The following PTP4A1 variants were observed in gnomAD, a reference collection of about 807,000 sequenced individuals.
PTP4A1 encodes the protein protein tyrosine phosphatase 4A1.
In PTP4A1, 9 loss-of-function variants were observed where a neutral mutation model predicts 20.5. The ratio of observed to expected loss-of-function variants is 0.44; its 90% confidence interval spans 0.26 to 0.77. PTP4A1 has a LOEUF of 0.77. Among genes scored for constraint, PTP4A1 ranks in the 30% least tolerant of loss-of-function variants. PTP4A1 has a pLI of 0.19. For synonymous variants in PTP4A1, 78 were observed against 67.4 expected (o/e 1.16, Z -0.77); for missense variants, 137 against 218.8 (o/e 0.63, Z 2.36).
At chr6:63,573,234 T>G (rs1379353378) in intron 1 of PTP4A1, 3 of 152,520 alleles carry the variant, frequency 2.0e-5, no homozygotes, top group African/African-American at 7.2e-5. Context: ...GGGCTGCGCG[T>G]GTCACTGCGG....
chr6:63,577,912 A>G (rs981694776), intron 2 of PTP4A1, among the ~76,000 whole-genome samples: 3 of 150,340 alleles, frequency 2.0e-5, no homozygotes, highest in South Asian at 4.2e-4. Context: ...GTAATATGTA[A>G]TTAGTAATAA....
chr6:63,555,170 A>G (rs774721481), intron 3 of PTP4A1, among the ~76,000 whole-genome samples: 11 of 152,310 alleles, frequency 7.2e-5, no homozygotes, highest in South Asian at 2.1e-4. Context: ...TTCTTCAAAG[A>G]AGATCTAGTT....
intron 2 of PTP4A1, among the ~76,000 whole-genome samples, chr6:63,577,669 G>C (rs1362954852): frequency 3.3e-5 from 5 of 152,066 alleles, no homozygotes; most frequent in Admixed American, 1.3e-4. Flanking sequence ...CAATTCTCCT[G>C]CCTCAGCCTC....
chr6:63,572,473 C>G (rs530940270), upstream of PTP4A1: 1 of 387,754 alleles, frequency 2.6e-6, no homozygotes, highest in Non-Finnish European at 4.6e-6. Flanking sequence ...GCTTGTGACG[C>G]AAGGGCGCCT....
intron 3 of PTP4A1, among the ~76,000 whole-genome samples, chr6:63,557,293 T>G (rs1776732856): frequency 6.6e-6 from 1 of 152,172 alleles, no homozygotes; most frequent in Non-Finnish European, 1.5e-5. Context: ...GGTGTGGGCA[T>G]GGTGGCTCAT....
In PTP4A1 at chr6:63,535,008, C is replaced by T. The variant is rs889888622; in HGVS notation, c.-640+6924C>T. On this transcript the variant is annotated intron_variant, in intron 2 of 3. Transcript: ENST00000639568. ...CCAGGAGGCAGAGGTTGCAGTGAGC[C>T]AAGATCGCATCATTGCACTCCAGCC... 3.3e-5 allele frequency among the ~76,000 whole-genome samples: 5 copies of T among 151,982 alleles called. No homozygotes were observed. The East Asian group carries it at 9.7e-4, about 29-fold the overall frequency.
intron 3 of PTP4A1, among the ~76,000 whole-genome samples, chr6:63,554,454 A>AT (rs982174195): frequency 4.2e-4 from 64 of 152,310 alleles, no homozygotes; most frequent in African/African-American, 1.5e-3. Flanking sequence ...TCCAGCCTGA[A>AT]TTAGGTATCT....
chr6:63,567,702 A>G (rs147649310), upstream of PTP4A1, among the ~76,000 whole-genome samples: 4 of 152,350 alleles, frequency 2.6e-5, no homozygotes, highest in East Asian at 7.7e-4. Flanking sequence ...CTGTCCTTCG[A>G]AGCTTTGAAG....
At chr6:63,556,016 C>G (rs539917530) in intron 3 of PTP4A1, among the ~76,000 whole-genome samples, 11 of 151,896 alleles carry the variant, frequency 7.2e-5, no homozygotes, top group Admixed American at 1.3e-4. Context: ...TATTATTCAG[C>G]CTTTCTTTGG....
intron 1 of PTP4A1, among the ~76,000 whole-genome samples, chr6:63,526,827 A>ATT (rs1180055969): frequency 2.0e-4 from 28 of 140,310 alleles, no homozygotes; most frequent in Non-Finnish European, 3.2e-4. Context: ...ATATATATAT[A>ATT]TATATATATT....
chr6:63,563,538 AC>A (rs1408482094), intron 3 of PTP4A1, among the ~76,000 whole-genome samples: 4 of 151,772 alleles, frequency 2.6e-5, no homozygotes, highest in Non-Finnish European at 5.9e-5. Flanking sequence ...CATTCTGTTG[AC>A]CTCCTTCACA....
chr6:63,530,066 G>A (rs188938249), intron 2 of PTP4A1, among the ~76,000 whole-genome samples: 156 of 152,114 alleles, frequency 1.0e-3, no homozygotes, highest in Non-Finnish European at 1.7e-3. Flanking sequence ...TCGAGATAGG[G>A]CAAGGATAAT....
intron 3 of PTP4A1, among the ~76,000 whole-genome samples, chr6:63,559,614 G>A (rs942192949): frequency 6.6e-6 from 1 of 151,940 alleles, no homozygotes; most frequent in Non-Finnish European, 1.5e-5. Context: ...GCATGGTGGT[G>A]TATGCCTGTA....
chr6:63,542,867 GATC>G lies in PTP4A1; in HGVS notation c.-639-7430_-639-7428del, dbSNP rs987150300. On this transcript the variant is annotated intron_variant, in intron 2 of 3. Coordinates refer to the PTP4A1 transcript ENST00000639568. Reference sequence around the variant, plus strand: ...CCCCTACCTGATTCATCCAAGCCATGATCATGTCTCCTAAACTACTGCTCTAGC... The same window carrying G: ...CCCCTACCTGATTCATCCAAGCCATGATGTCTCCTAAACTACTGCTCTAGC... Among the ~76,000 whole-genome samples, 6 of 152,076 alleles carry G rather than the reference GATC, an allele frequency of 3.9e-5. No homozygotes were observed. In the South Asian group the frequency reaches 8.3e-4, roughly 21 times the overall value.
At chr6:63,516,772 A>G (rs1774744283), upstream of PTP4A1, among the ~76,000 whole-genome samples, 1 of 152,216 alleles carries the variant, frequency 6.6e-6, no homozygotes, top group Admixed American at 6.5e-5. Context: ...AAGTATTCTT[A>G]AAGAAAGGGG....
At chr6:63,579,112 T>A (rs996500992) in intron 4 of PTP4A1, 84 bp downstream of exon 4, 74 of 1,395,268 alleles carry the variant, frequency 5.3e-5, no homozygotes, top group Non-Finnish European at 7.0e-5. Context: ...TATAATTTTT[T>A]AATATAAAGT....
intron 2 of PTP4A1, among the ~76,000 whole-genome samples, chr6:63,577,325 A>C (rs1233948791): frequency 1.3e-5 from 2 of 152,170 alleles, no homozygotes; most frequent in Non-Finnish European, 2.9e-5. Context: ...CTAATGCCAT[A>C]AACCAGTTGG....
At chr6:63,522,772 A>C (rs1284165390) in intron 1 of PTP4A1, among the ~76,000 whole-genome samples, 1 of 152,154 alleles carries the variant, frequency 6.6e-6, no homozygotes, top group Non-Finnish European at 1.5e-5. Flanking sequence ...CTACCATGGA[A>C]GATTCAGTGC....
chr6:63,557,537 G>T (rs1331466962), intron 3 of PTP4A1, among the ~76,000 whole-genome samples: 3 of 152,078 alleles, frequency 2.0e-5, no homozygotes, highest in Non-Finnish European at 4.4e-5. Context: ...CTACACTCCA[G>T]CCTGGGCTAC....
Sources: gnomAD v4.1 joint callset for allele counts (sites outside exome capture counted in the v4.1 genomes callset) on GRCh38, gnomAD v4.1.1 for gene constraint, MANE v1.5 for transcripts, NCBI Gene and HGNC (gene_info 2026-07-23, HGNC 2026-07-21) for gene names.